WDHD1: variants seen among roughly 807,000 people sequenced by gnomAD.
The protein encoded by WDHD1 is WD repeat and HMG-box DNA binding protein 1, also known as WD repeat and HMG-box DNA-binding protein 1.
Under a neutral mutation model 135.4 loss-of-function variants are expected in WDHD1, and 111 were observed. That is an observed-to-expected ratio of 0.82 (90% CI 0.70 to 0.96). The LOEUF (loss-of-function observed/expected upper bound fraction) is 0.96. Ranked by LOEUF, WDHD1 falls within the 40% of genes least tolerant of loss-of-function variation. The probability of loss-of-function intolerance (pLI) is 0.00; values close to 1 mark genes in which losing one functional copy is unlikely to be tolerated. For missense variants in WDHD1, 1,351 were observed against 1,336.3 expected (o/e 1.01, Z -0.17); for synonymous variants, 434 against 439.0 (o/e 0.99, Z 0.14).
intron 12 of WDHD1, among the ~76,000 whole-genome samples, chr14:54,989,743 T>C (rs1435062070): frequency 6.6e-6 from 1 of 151,644 alleles, no homozygotes; most frequent in African/African-American, 2.4e-5. Flanking sequence ...CACCGCAACC[T>C]CTGCCTCCTG....
At chr14:54,989,663 A>AT (rs34783095) in intron 12 of WDHD1, among the ~76,000 whole-genome samples, 4,357 of 144,514 alleles carry the variant, frequency 0.03, 188 homozygotes, top group African/African-American at 0.1. Context: ...AGAAAACATA[A>AT]TTTTTTTTTT....
At chr14:55,005,979 C>T (rs2042062633) in intron 7 of WDHD1, among the ~76,000 whole-genome samples, 1 of 152,126 alleles carries the variant, frequency 6.6e-6, no homozygotes, top group African/African-American at 2.4e-5. Context: ...ATACTCCTGC[C>T]TCAGTCTCCC....
Position 54,951,050 on chromosome 14 carries a change from T to G in WDHD1, c.3050+4511A>C, listed in dbSNP as rs867919477. Among the ~76,000 whole-genome samples the G allele has an allele frequency of 6.0e-3, 911 of 151,364 alleles. 10 individuals are homozygous for G. The highest frequency in any genetic ancestry group is 0.019 in the African/African-American group (764 of 41,208). ...AATGCCCACAAGAGAAAGCAGAAAA[T>G]ATCTAAAATTGACACCCTAACATCA... On this transcript the variant is annotated intron_variant, in intron 24 of 25. Coordinates refer to ENST00000360586, the MANE Select transcript of WDHD1 (RefSeq NM_007086.4).
chr14:54,948,369 C>T (rs538051186), intron 24 of WDHD1, among the ~76,000 whole-genome samples: 1 of 152,278 alleles, frequency 6.6e-6, no homozygotes, highest in East Asian at 1.9e-4. Flanking sequence ...TGTGCTTTTC[C>T]AATGGTCTTA....
At chr14:55,013,425 A>G in intron 3 of WDHD1, 60 bp downstream of exon 3, 1 of 1,157,342 alleles carries the variant, frequency 8.6e-7, no homozygotes, top group South Asian at 1.3e-5. Flanking sequence ...TTTTTCACTC[A>G]AGCATAAAAA....
intron 13 of WDHD1, among the ~76,000 whole-genome samples, chr14:54,988,206 T>A (rs1262894170): frequency 6.7e-6 from 1 of 149,676 alleles, no homozygotes; most frequent in African/African-American, 2.5e-5. Flanking sequence ...AACGGGTGAC[T>A]AGTACATTTT....
At chr14:54,989,888 TC>T (rs1309472856) in intron 12 of WDHD1, among the ~76,000 whole-genome samples, 1 of 152,094 alleles carries the variant, frequency 6.6e-6, no homozygotes, top group African/African-American at 2.4e-5. Context: ...GGTCTCCAAC[TC>T]CTATCCTCAA....
At chr14:55,005,178 C>G in intron 7 of WDHD1, 1 of 540,230 alleles carries the variant, frequency 1.9e-6, no homozygotes, top group East Asian at 4.8e-5. Context: ...ATCAATCCCA[C>G]TGAGTGAGCT....
chr14:54,974,948 A>C (rs772210391), intron 16 of WDHD1, among the ~76,000 whole-genome samples: 4 of 152,078 alleles, frequency 2.6e-5, no homozygotes, highest in Admixed American at 1.3e-4. Flanking sequence ...ATTTGAGGGG[A>C]CTTTGCTCAC....
At chr14:54,949,968 T>G (rs896771576) in intron 24 of WDHD1, among the ~76,000 whole-genome samples, 1 of 152,140 alleles carries the variant, frequency 6.6e-6, no homozygotes, top group African/African-American at 2.4e-5. Flanking sequence ...CCACCACGCC[T>G]GCCCTACAAG....
chr14:54,999,604 T>C (rs532823822), intron 10 of WDHD1, among the ~76,000 whole-genome samples: 1 of 152,272 alleles, frequency 6.6e-6, no homozygotes, highest in East Asian at 1.9e-4. Flanking sequence ...TCCACTTTTT[T>C]ATTTTTATTT....
chr14:54,962,391 C>T, intron 21 of WDHD1, 107 bp downstream of exon 21: 2 of 823,728 alleles, frequency 2.4e-6, no homozygotes, highest in South Asian at 2.9e-5. Context: ...TAAACACACA[C>T]ACACCAAAAG....
At position 55,005,667 on chromosome 14, in the gene WDHD1, G is replaced by A. The variant is rs578193666; in HGVS notation, c.600+1613C>T. On this transcript the variant is annotated intron_variant, in intron 7 of 25. Transcript: ENST00000360586. ...AGGACATCCTCCTCCTTCATTTGCA[G>A]GACATAGAGGTTCTAGACATTGTGA... is the stretch of plus-strand genomic sequence containing the variant. The A allele has an allele frequency of 8.3e-5, 46 of 550,994 alleles. 1 individual carries two copies. The East Asian group carries it at 1.7e-3, about 20-fold the overall frequency. 34.1% of individuals were successfully genotyped at this position (550,994 alleles called of 1,614,324 possible). A position where few individuals can be genotyped will look rare whatever the true frequency, so the allele number is the denominator to read the frequency against.
intron 2 of WDHD1, among the ~76,000 whole-genome samples, chr14:55,026,076 C>T (rs1185334860): frequency 6.6e-6 from 1 of 152,136 alleles, no homozygotes; most frequent in Non-Finnish European, 1.5e-5. Flanking sequence ...CCAAAAAGAC[C>T]TTAAGCTCAA....
chr14:54,959,996 T>A (rs1238963859), intron 21 of WDHD1, among the ~76,000 whole-genome samples: 1 of 152,160 alleles, frequency 6.6e-6, no homozygotes, highest in Non-Finnish European at 1.5e-5. Context: ...TGTGCTTAAG[T>A]TTTTCTTCTA....
intron 14 of WDHD1, 89 bp from the exon 15 acceptor site, chr14:54,984,949 G>A (rs1455792397): frequency 2.6e-5 from 39 of 1,526,854 alleles, no homozygotes; most frequent in Non-Finnish European, 3.5e-5. Flanking sequence ...TGATTTTGTG[G>A]TAAATTACTA....
At chr14:55,001,049 C>A in intron 8 of WDHD1, 57 bp from the exon 9 acceptor site, 3 of 1,098,990 alleles carry the variant, frequency 2.7e-6, no homozygotes, top group Non-Finnish European at 2.5e-6. Context: ...ACTAAATACT[C>A]ATTTTATTAC....
chr14:54,983,609 G>C (rs1027306055), intron 15 of WDHD1, among the ~76,000 whole-genome samples: 1 of 152,012 alleles, frequency 6.6e-6, no homozygotes, highest in African/African-American at 2.4e-5. Context: ...GAAGGCAGAG[G>C]TTGCAGTAAG....
chr14:54,993,226 T>G (rs1330965677), intron 11 of WDHD1, among the ~76,000 whole-genome samples: 1 of 152,150 alleles, frequency 6.6e-6, no homozygotes, highest in African/African-American at 2.4e-5. Flanking sequence ...CAAGAGATCC[T>G]CCTACCTCAG....
Sources: allele counts gnomAD v4.1 joint callset (sites outside exome capture counted in the v4.1 genomes callset), GRCh38; gene constraint gnomAD v4.1.1; transcripts MANE v1.5; gene names NCBI Gene and HGNC (gene_info 2026-07-23, HGNC 2026-07-21).